ANKH: variants seen among roughly 807,000 people sequenced by gnomAD.
The protein encoded by ANKH is ANKH inorganic pyrophosphate transport regulator.
In ANKH, 15 loss-of-function variants were observed where a neutral mutation model predicts 49.0. The ratio of observed to expected loss-of-function variants is 0.31; its 90% CI spans 0.20 to 0.47. ANKH has a LOEUF of 0.47. Among genes scored for constraint, ANKH ranks in the 20% least tolerant of loss-of-function variants. The pLI, the probability that ANKH is intolerant of heterozygous loss-of-function variation, is 1.00. For synonymous variants in ANKH, 273 were observed against 260.0 expected (o/e 1.05, Z -0.48); for missense variants, 429 against 652.0 (o/e 0.66, Z 3.72).
At chr5:14,760,597 G>A (rs562348422) in intron 2 of ANKH, among the ~76,000 whole-genome samples, 5 of 152,338 alleles carry the variant, frequency 3.3e-5, no homozygotes, top group African/African-American at 1.2e-4. Context: ...GCAGGGATCT[G>A]CAAGGAGACC....
chr5:14,746,443 G>A (rs894414274), intron 6 of ANKH, among the ~76,000 whole-genome samples: 21 of 152,072 alleles, frequency 1.4e-4, no homozygotes, highest in Non-Finnish European at 2.5e-4. Context: ...CCTGGGTAGG[G>A]GCCACAACAA....
intron 7 of ANKH, among the ~76,000 whole-genome samples, chr5:14,744,588 C>A (rs1472504872): frequency 6.6e-6 from 1 of 151,978 alleles, no homozygotes; most frequent in African/African-American, 2.4e-5. Context: ...CACAAGCATG[C>A]ATTCACAGAG....
chr5:14,809,113 C>T (rs1580085090), intron 1 of ANKH, among the ~76,000 whole-genome samples: 2 of 126,536 alleles, frequency 1.6e-5, no homozygotes, highest in Admixed American at 1.6e-4. Flanking sequence ...CATATTCTCA[C>T]TCATAGGTGG....
chr5:14,848,351 C>T (rs1554010160), intron 1 of ANKH, among the ~76,000 whole-genome samples: 1 of 152,202 alleles, frequency 6.6e-6, no homozygotes, highest in Non-Finnish European at 1.5e-5. Flanking sequence ...CGCCTGAGAG[C>T]ACACAGACAG....
At chr5:14,775,959 C>G (rs558954999) in intron 1 of ANKH, among the ~76,000 whole-genome samples, 1 of 152,094 alleles carries the variant, frequency 6.6e-6, no homozygotes, top group East Asian at 1.9e-4. Flanking sequence ...GCGGCTTGGC[C>G]GAGGGTGAGT....
chr5:14,767,293 G>A (rs1739286619), intron 2 of ANKH, among the ~76,000 whole-genome samples: 1 of 152,192 alleles, frequency 6.6e-6, no homozygotes, highest in Admixed American at 6.5e-5. Context: ...GCAGAAAATG[G>A]TAAGGAGGCC....
intron 9 of ANKH, among the ~76,000 whole-genome samples, chr5:14,715,438 C>A (rs1452172319): frequency 6.6e-6 from 1 of 152,190 alleles, no homozygotes; most frequent in Non-Finnish European, 1.5e-5. Context: ...GCCCATGGCT[C>A]CTTTCTTAAC....
chr5:14,796,398 T>A (rs138280644), intron 1 of ANKH, among the ~76,000 whole-genome samples: 2 of 150,240 alleles, frequency 1.3e-5, no homozygotes, highest in Non-Finnish European at 3.0e-5. Flanking sequence ...ACAATCTACC[T>A]GTGGTATACC....
Position 14,741,820 on chromosome 5 carries a change from T to A in ANKH, c.1011+7A>T, listed in dbSNP as rs1561033008. The A allele has an allele frequency of 6.2e-7, 1 of 1,611,468 alleles. No homozygotes were observed. Among genetic ancestry groups the A allele is most frequent in the Non-Finnish European group, 8.5e-7 (1 of 1,177,640 alleles). ...AGAGAAGAGGCAGAGAGAGCCTCTG[T>A]CCTTACCGTGAGTGACAGAGCCATG... On this transcript the variant is annotated splice_region_variant and intron_variant, in intron 8 of 11. Transcript: ENST00000284268.
chr5:14,855,750 G>A (rs535022942), intron 1 of ANKH, among the ~76,000 whole-genome samples: 30 of 148,534 alleles, frequency 2.0e-4, no homozygotes, highest in African/African-American at 6.0e-4. Context: ...AAAAGCATAC[G>A]TTACTTAAAT....
intron 8 of ANKH, among the ~76,000 whole-genome samples, chr5:14,740,990 C>T (rs1249917858): frequency 5.9e-5 from 9 of 152,286 alleles, no homozygotes; most frequent in African/African-American, 1.7e-4. Context: ...AAAACAGAAC[C>T]GAGTTCAAAA....
chr5:14,747,832 G>A lies in ANKH; in HGVS notation c.822+1340C>T, dbSNP rs146919755. On this transcript the variant is annotated intron_variant, in intron 6 of 11. Coordinates refer to ENST00000284268, the MANE Select transcript of ANKH (RefSeq NM_054027.6). ...AGGAGCATTGGGATCGGGCGGACCT[G>A]GATCCAAACCTTCACCTCATCGCTC... Among the ~76,000 whole-genome samples, 5 of 152,278 alleles carry A rather than the reference G, an allele frequency of 3.3e-5. No homozygotes were observed. In the East Asian group the frequency reaches 9.7e-4, roughly 29 times the overall value.
intron 1 of ANKH, among the ~76,000 whole-genome samples, chr5:14,847,970 C>T (rs1376076491): frequency 1.3e-5 from 2 of 152,128 alleles, no homozygotes; most frequent in African/African-American, 4.8e-5. Context: ...TGGTGAAACC[C>T]CAGCTCTACT....
At position 14,711,203 on chromosome 5, in the gene ANKH, A is replaced by AT; in HGVS notation, c.1472dup (p.Asn491LysfsTer2). ...GCCCATGGCGTCCCGTGCCTTATTC[A>AT]TTCTCCTCTCTCATTTCCACGATGT... On this transcript the variant is annotated frameshift_variant, in exon 12 of 12. Coordinates refer to ENST00000284268, the MANE Select transcript of ANKH (RefSeq NM_054027.6). LOFTEE classifies it high-confidence loss of function. 6.2e-7 allele frequency: 1 copy of AT among 1,613,602 alleles called. No individual in the cohort carries two copies. Among genetic ancestry groups the AT allele is most frequent in the Non-Finnish European group, 8.5e-7 (1 of 1,179,574 alleles).
rs140485315 is a variant in ANKH at position 14,718,720 on chromosome 5, G to C, written c.1012-1885C>G. ...AGCTACTTGGGAGGCTGAGGCAGGA[G>C]AATCGCTTGAACCCGGGAGACGGAG... On this transcript the variant is annotated intron_variant, in intron 8 of 11. Transcript: ENST00000284268. Among the ~76,000 whole-genome samples, 116 of 151,564 alleles carry C rather than the reference G, an allele frequency of 7.7e-4. 1 individual carries two copies. The highest frequency in any genetic ancestry group is 2.7e-3 in the African/African-American group (111 of 41,340).
intron 1 of ANKH, among the ~76,000 whole-genome samples, chr5:14,818,593 G>A (rs895954993): frequency 2.2e-5 from 3 of 137,844 alleles, no homozygotes; most frequent in East Asian, 2.2e-4. Context: ...CAAGTGAGCC[G>A]AGATTGCACC....
intron 1 of ANKH, among the ~76,000 whole-genome samples, chr5:14,815,267 T>C (rs1187367766): frequency 1.3e-5 from 2 of 152,320 alleles, no homozygotes; most frequent in East Asian, 3.9e-4. Context: ...TTTCTGCATA[T>C]GAGGATTTAA....
At chr5:14,781,179 C>T (rs975108920) in intron 1 of ANKH, among the ~76,000 whole-genome samples, 1 of 152,184 alleles carries the variant, frequency 6.6e-6, no homozygotes, top group African/African-American at 2.4e-5. Context: ...TCCAGCCATG[C>T]TTTATTTTCC....
chr5:14,863,119 A>G (rs973680191), intron 1 of ANKH, among the ~76,000 whole-genome samples: 4 of 152,232 alleles, frequency 2.6e-5, no homozygotes, highest in African/African-American at 9.6e-5. Flanking sequence ...CTGAGTCCTT[A>G]GTAACCAGTT....
Sources: gnomAD v4.1 joint callset for allele counts (sites outside exome capture counted in the v4.1 genomes callset) on GRCh38, gnomAD v4.1.1 for gene constraint, MANE v1.5 for transcripts, NCBI Gene and HGNC (gene_info 2026-07-23, HGNC 2026-07-21) for gene names.